The following NFATC3 variants were observed in gnomAD, a reference collection of about 807,000 sequenced individuals.
NFATC3 encodes the protein nuclear factor of activated T cells 3.
A neutral mutation model predicts 98.6 loss-of-function variants in NFATC3; 46 were observed. The observed-to-expected ratio is 0.47, with a 90% CI of 0.37 to 0.60. The LOEUF (loss-of-function observed/expected upper bound fraction) is 0.60, where lower values mean the gene tolerates loss of function less well. Ranked by LOEUF, NFATC3 falls within the 20% of genes least tolerant of loss-of-function variation. The pLI is 0.00. For missense variants in NFATC3, 1,256 were observed against 1,295.5 expected (o/e 0.97, Z 0.47); for synonymous variants, 512 against 472.2 (o/e 1.08, Z -1.09).
intron 3 of NFATC3, among the ~76,000 whole-genome samples, chr16:68,139,533 T>A (rs2037632654): frequency 6.6e-6 from 1 of 152,202 alleles, no homozygotes; most frequent in African/African-American, 2.4e-5. Context: ...GAAGGGTACT[T>A]AAACATCAGT....
At chr16:68,175,701 C>T (rs541468744) in intron 6 of NFATC3, among the ~76,000 whole-genome samples, 20 of 148,938 alleles carry the variant, frequency 1.3e-4, no homozygotes, top group Non-Finnish European at 2.1e-4. Context: ...CTGGGATTAC[C>T]GGCACACGCC....
At chr16:68,193,086 C>CT (rs372814043) in intron 9 of NFATC3, among the ~76,000 whole-genome samples, 2 of 149,278 alleles carry the variant, frequency 1.3e-5, no homozygotes, top group Non-Finnish European at 3.0e-5. Flanking sequence ...TACAAACAGA[C>CT]TTTTTTTTTT....
chr16:68,112,675 G>A (rs370000921), intron 1 of NFATC3, among the ~76,000 whole-genome samples: 1 of 114,246 alleles, frequency 8.8e-6, no homozygotes, highest in Non-Finnish European at 1.7e-5. Flanking sequence ...TTTTTGAGAC[G>A]GAGTCTCGCT....
At chr16:68,173,982 C>T (rs923911936) in intron 5 of NFATC3, among the ~76,000 whole-genome samples, 2 of 151,732 alleles carry the variant, frequency 1.3e-5, no homozygotes, top group Middle Eastern at 6.8e-3. Context: ...GACCATGTTG[C>T]TATTAAAAAA....
intron 3 of NFATC3, among the ~76,000 whole-genome samples, chr16:68,154,293 TA>T (rs568345118): frequency 4.2e-4 from 64 of 152,298 alleles, no homozygotes; most frequent in African/African-American, 1.5e-3. Context: ...TGGATCCCTC[TA>T]TCATTCTGTG....
intron 8 of NFATC3, among the ~76,000 whole-genome samples, chr16:68,183,849 A>C (rs1449009298): frequency 1.3e-5 from 2 of 152,036 alleles, no homozygotes; most frequent in South Asian, 2.1e-4. Context: ...CTTTACTAAA[A>C]ATACAGAATT....
chr16:68,117,405 G>A (rs920430153), intron 1 of NFATC3, among the ~76,000 whole-genome samples: 1 of 152,168 alleles, frequency 6.6e-6, no homozygotes, highest in East Asian at 1.9e-4. Context: ...TTCCCATCTC[G>A]CAAGGCCTTA....
intron 2 of NFATC3, among the ~76,000 whole-genome samples, chr16:68,123,826 A>C (rs1322303164): frequency 7.4e-6 from 1 of 135,224 alleles, no homozygotes; most frequent in South Asian, 2.4e-4. Context: ...CTCTACAAAA[A>C]ATACAAAAAT....
chr16:68,144,710 T>C (rs1267691393), intron 3 of NFATC3, among the ~76,000 whole-genome samples: 1 of 152,080 alleles, frequency 6.6e-6, no homozygotes, highest in Non-Finnish European at 1.5e-5. Flanking sequence ...TAGCCTGGAG[T>C]GCAGAGACTC....
intron 8 of NFATC3, among the ~76,000 whole-genome samples, chr16:68,184,005 A>C (rs1470738775): frequency 5.1e-5 from 5 of 97,226 alleles, no homozygotes; most frequent in East Asian, 2.5e-4. Context: ...ACTCCGTCAC[A>C]AAAAAAAAAA....
At chr16:68,220,045 T>C (rs1320585924) in intron 9 of NFATC3, among the ~76,000 whole-genome samples, 1 of 152,236 alleles carries the variant, frequency 6.6e-6, no homozygotes, top group African/African-American at 2.4e-5. Flanking sequence ...GCAAACATTA[T>C]TGATAGCTGT....
At chr16:68,202,538 G>A (rs967373628) in intron 9 of NFATC3, among the ~76,000 whole-genome samples, 2 of 152,150 alleles carry the variant, frequency 1.3e-5, no homozygotes, top group Non-Finnish European at 2.9e-5. Flanking sequence ...AAGGCAAGGC[G>A]CGGTGGCTGA....
At chr16:68,211,179 C>A (rs1265115657) in intron 9 of NFATC3, among the ~76,000 whole-genome samples, 1 of 151,404 alleles carries the variant, frequency 6.6e-6, no homozygotes, top group Non-Finnish European at 1.5e-5. Context: ...TCAAAAGAAT[C>A]GAAACTCTTT....
chr16:68,221,498 C>A, intron 9 of NFATC3: 1 of 1,265,906 alleles, frequency 7.9e-7, no homozygotes, highest in Non-Finnish European at 1.0e-6. Context: ...TCCAAGTCCC[C>A]AAATTGTTTT....
At chr16:68,093,079 G>A (rs2034815241) in intron 1 of NFATC3, among the ~76,000 whole-genome samples, 1 of 148,812 alleles carries the variant, frequency 6.7e-6, no homozygotes, top group Non-Finnish European at 1.5e-5. Context: ...TTTTCATTGT[G>A]CTCCACCATT....
intron 9 of NFATC3, among the ~76,000 whole-genome samples, chr16:68,218,368 A>C (rs186670545): frequency 5.7e-4 from 87 of 151,588 alleles, no homozygotes; most frequent in African/African-American, 1.9e-3. Context: ...TGAGTTCAGG[A>C]GTTTGAGACC....
At chr16:68,136,532 G>A (rs1174858306) in intron 3 of NFATC3, among the ~76,000 whole-genome samples, 1 of 152,186 alleles carries the variant, frequency 6.6e-6, no homozygotes, top group African/African-American at 2.4e-5. Context: ...GCTTCTCAAA[G>A]TGCTAGGATT....
chr16:68,191,178 A>C lies in NFATC3; in HGVS notation c.2509A>C (p.Thr837Pro). The C allele has an allele frequency of 6.2e-7, 1 of 1,613,830 alleles. No individual in the cohort carries two copies. The highest frequency in any genetic ancestry group is 1.1e-5 in the South Asian group (1 of 91,058). ...FDSVLFQQDA[T>P]LSGLVNLGCQ... ...TTCAGTTTTGTTTCAGCAGGATGCAACTCTTTCTGGTTTAGTGAATCTTGG... is the reference window on the plus strand; with the variant it reads ...TTCAGTTTTGTTTCAGCAGGATGCACCTCTTTCTGGTTTAGTGAATCTTGG... Residue 837 changes from threonine to proline, a missense_variant, in exon 9 of 10, where the codon ACT becomes CCT. Thr to Pro is a conservative substitution (Grantham distance 38). Coordinates refer to ENST00000346183, the MANE Select transcript of NFATC3 (RefSeq NM_173165.3).
chr16:68,179,974 G>T (rs1009217739), intron 6 of NFATC3, among the ~76,000 whole-genome samples: 1 of 152,130 alleles, frequency 6.6e-6, no homozygotes, highest in Non-Finnish European at 1.5e-5. Flanking sequence ...AGCATATGGT[G>T]CTCCCAAGAA....
Sources: gnomAD v4.1 joint callset for allele counts (sites outside exome capture counted in the v4.1 genomes callset) on GRCh38, gnomAD v4.1.1 for gene constraint, MANE v1.5 for transcripts, NCBI Gene and HGNC (gene_info 2026-07-23, HGNC 2026-07-21) for gene names.